Variants in PAK5 observed in about 807,000 individuals in gnomAD.
PAK5 encodes p21 (RAC1) activated kinase 5.
In PAK5, 16 loss-of-function variants were observed where a neutral mutation model predicts 65.9. That is an observed-to-expected ratio of 0.24 (90% CI 0.16 to 0.37). The LOEUF is 0.37. Among genes scored for constraint, PAK5 ranks in the 10% least tolerant of loss-of-function variants. The pLI, the probability that PAK5 is intolerant of heterozygous loss-of-function variation, is 1.00. For missense variants in PAK5, 785 were observed against 903.9 expected, an observed-to-expected ratio of 0.87 and a Z score of 1.69; for synonymous variants, 371 against 354.9, an observed-to-expected ratio of 1.05 and a Z score of -0.51.
chr20:9,770,015 G>A (rs1239947160), intron 1 of PAK5, among the ~76,000 whole-genome samples: 1 of 152,164 alleles, frequency 6.6e-6, no homozygotes, highest in African/African-American at 2.4e-5. Context: ...AAGTAGGGTG[G>A]TAGCTGGAGA....
intron 4 of PAK5, among the ~76,000 whole-genome samples, 198 bp downstream of exon 4, chr20:9,579,947 T>C (rs142436224): frequency 0.015 from 2,331 of 152,330 alleles, 32 homozygotes; most frequent in Middle Eastern, 0.034. Context: ...GATAGATTTT[T>C]ATTTTAATGA....
intron 1 of PAK5, among the ~76,000 whole-genome samples, chr20:9,752,384 C>A (rs1378605788): frequency 6.6e-6 from 1 of 151,920 alleles, no homozygotes; most frequent in Non-Finnish European, 1.5e-5. Context: ...TTTATATTTT[C>A]AAAAAATCAT....
chr20:9,800,185 A>C (rs900356141), intron 1 of PAK5, among the ~76,000 whole-genome samples: 1 of 152,026 alleles, frequency 6.6e-6, no homozygotes, highest in African/African-American at 2.4e-5. Context: ...TAGAACAACG[A>C]TCTTCACCTT....
intron 1 of PAK5, among the ~76,000 whole-genome samples, chr20:9,760,268 A>G (rs1249833398): frequency 1.3e-5 from 2 of 152,208 alleles, no homozygotes; most frequent in African/African-American, 4.8e-5. Flanking sequence ...CAATGACAAA[A>G]TAGTGAAAAA....
intron 2 of PAK5, among the ~76,000 whole-genome samples, chr20:9,669,128 A>G (rs2047459008): frequency 1.3e-5 from 2 of 152,226 alleles, no homozygotes; most frequent in Admixed American, 1.3e-4. Flanking sequence ...CAATATATGT[A>G]ACACATCTTT....
At chr20:9,751,150 T>C (rs941333348) in intron 1 of PAK5, among the ~76,000 whole-genome samples, 5 of 152,180 alleles carry the variant, frequency 3.3e-5, no homozygotes, top group Non-Finnish European at 7.4e-5. Context: ...TACTAATGTA[T>C]ACAGAATCTA....
rs1310992834 is a variant in PAK5 at position 9,612,600 on chromosome 20, G to A, written c.204+31525C>T. On this transcript the variant is annotated intron_variant, in intron 3 of 9. Coordinates refer to ENST00000353224, the MANE Select transcript of PAK5 (RefSeq NM_177990.4). ...CTCATTATCATGAGGACAGTACCAA[G>A]ACGGTTGGTGCTAAACCGTTCGTGA... 2.0e-5 allele frequency among the ~76,000 whole-genome samples: 3 copies of A among 152,204 alleles called. No homozygotes were observed. The East Asian group carries it at 5.8e-4, about 29-fold the overall frequency.
intron 1 of PAK5, among the ~76,000 whole-genome samples, chr20:9,733,839 A>G (rs2048360368): frequency 6.6e-6 from 1 of 152,130 alleles, no homozygotes; most frequent in African/African-American, 2.4e-5. Flanking sequence ...AAGTTTCTCT[A>G]CCCATCTCTC....
chr20:9,756,464 C>A (rs900295194), intron 1 of PAK5, among the ~76,000 whole-genome samples: 1 of 152,066 alleles, frequency 6.6e-6, no homozygotes, highest in East Asian at 1.9e-4. Flanking sequence ...ATACAGTAGC[C>A]ACACACCACC....
intron 1 of PAK5, among the ~76,000 whole-genome samples, chr20:9,782,524 C>T (rs754248458): frequency 2.6e-5 from 4 of 152,106 alleles, no homozygotes; most frequent in East Asian, 1.9e-4. Context: ...CCTTGGAATC[C>T]GTGACATGTG....
At chr20:9,651,021 G>A (rs2047196126) in intron 2 of PAK5, among the ~76,000 whole-genome samples, 1 of 152,170 alleles carries the variant, frequency 6.6e-6, no homozygotes, top group Non-Finnish European at 1.5e-5. Flanking sequence ...AAGGGTAACG[G>A]CAAAAGAATT....
chr20:9,562,764 G>A, intron 6 of PAK5, 127 bp downstream of exon 6: 3 of 761,956 alleles, frequency 3.9e-6, no homozygotes, highest in Non-Finnish European at 6.6e-6. Flanking sequence ...GGAATGTAGG[G>A]GAAAGGGTAG....
At chr20:9,819,622 G>A (rs1204080530) in intron 1 of PAK5, among the ~76,000 whole-genome samples, 1 of 151,670 alleles carries the variant, frequency 6.6e-6, no homozygotes, top group East Asian at 1.9e-4. Flanking sequence ...ATGGCCTCCT[G>A]ATAATCCTTG....
At chr20:9,666,065 G>A (rs1311135793) in intron 2 of PAK5, among the ~76,000 whole-genome samples, 1 of 152,218 alleles carries the variant, frequency 6.6e-6, no homozygotes, top group East Asian at 1.9e-4. Context: ...TAGCCTGCCA[G>A]GAAAGTGCTT....
intron 1 of PAK5, among the ~76,000 whole-genome samples, chr20:9,768,373 G>T (rs2048793682): frequency 6.6e-6 from 1 of 151,942 alleles, no homozygotes. Flanking sequence ...GAGGCTGTGG[G>T]TTGAAAAACC....
At chr20:9,598,452 A>C (rs2046308830) in intron 3 of PAK5, among the ~76,000 whole-genome samples, 1 of 152,170 alleles carries the variant, frequency 6.6e-6, no homozygotes, top group African/African-American at 2.4e-5. Context: ...TAGAATGATT[A>C]ATGTTCCTTT....
rs372118013 is a variant in PAK5 at position 9,596,403 on chromosome 20, G to A, written c.205-15473C>T. Among the ~76,000 whole-genome samples, 7 of 152,172 alleles carry A rather than the reference G, an allele frequency of 4.6e-5. No individual in the cohort carries two copies. In the East Asian group the frequency reaches 9.7e-4, roughly 21 times the overall value. On this transcript the variant is annotated intron_variant, in intron 3 of 9. Coordinates refer to ENST00000353224, the MANE Select transcript of PAK5 (RefSeq NM_177990.4). ...TGTAATCCCAGCACTTTGGGAGGCCGAGGCGGGCGGATCACAAGGTCAGGA... is the reference window on the plus strand; with the variant it reads ...TGTAATCCCAGCACTTTGGGAGGCCAAGGCGGGCGGATCACAAGGTCAGGA...
chr20:9,745,716 C>G (rs1430045790), intron 1 of PAK5, among the ~76,000 whole-genome samples: 1 of 152,014 alleles, frequency 6.6e-6, no homozygotes, highest in Non-Finnish European at 1.5e-5. Flanking sequence ...TTTTAACATG[C>G]TTTTGGTGAT....
At chr20:9,799,748 T>C (rs1369851406) in intron 1 of PAK5, among the ~76,000 whole-genome samples, 2 of 151,802 alleles carry the variant, frequency 1.3e-5, no homozygotes, top group Non-Finnish European at 2.9e-5. Flanking sequence ...GAGAGCAGCA[T>C]GACACCCATA....
Sources: allele counts gnomAD v4.1 joint callset (sites outside exome capture counted in the v4.1 genomes callset), GRCh38; gene constraint gnomAD v4.1.1; transcripts MANE v1.5; gene names NCBI Gene and HGNC (gene_info 2026-07-23, HGNC 2026-07-21).